Variants in STX17 observed in about 807,000 individuals in gnomAD.
The protein encoded by STX17 is syntaxin 17.
A neutral mutation model predicts 35.9 loss-of-function variants in STX17; 29 were observed. The observed-to-expected ratio is 0.81, with a 90% CI of 0.60 to 1.10. STX17 has a LOEUF of 1.10. STX17 is among the 50% of genes least tolerant of loss of function. The probability of loss-of-function intolerance (pLI) is 0.00; values close to 1 mark genes in which losing one functional copy is unlikely to be tolerated. For missense variants in STX17, 312 were observed against 352.3 expected (o/e 0.89, Z 0.92); for synonymous variants, 92 against 118.3 (o/e 0.78, Z 1.44).
chr9:99,958,989 A>G (rs557153390), intron 4 of STX17, among the ~76,000 whole-genome samples: 1 of 152,354 alleles, frequency 6.6e-6, no homozygotes, highest in Admixed American at 6.5e-5. Context: ...TATTATTACC[A>G]ATAGTGACTG....
Position 99,915,229 on chromosome 9 carries a change from A to T in STX17, c.-11A>T, listed in dbSNP as rs747614900. On this transcript the variant is annotated 5_prime_UTR_variant, in exon 2 of 8. Coordinates refer to ENST00000259400, the MANE Select transcript of STX17 (RefSeq NM_017919.3). ...GCTGTTACCAGGGAGGTCATACAAC[A>T]TTTTTTTAGGATGTCTGAAGATGAA... 7.5e-6 allele frequency: 12 copies of T among 1,607,666 alleles called. No individual in the cohort carries two copies. The highest frequency in any genetic ancestry group is 3.4e-5 in the Admixed American group (2 of 58,896).
chr9:99,919,183 G>A (rs530849074), intron 2 of STX17, among the ~76,000 whole-genome samples: 4 of 152,264 alleles, frequency 2.6e-5, no homozygotes, highest in African/African-American at 7.2e-5. Flanking sequence ...TGGACTACCC[G>A]TTCATTACAT....
chr9:99,910,237 C>CAAAA (rs1327135277), intron 1 of STX17, among the ~76,000 whole-genome samples: 1 of 104,690 alleles, frequency 9.6e-6, no homozygotes, highest in African/African-American at 3.6e-5. Context: ...CGTCTCAAAA[C>CAAAA]AAAAAAAAAG....
intron 3 of STX17, among the ~76,000 whole-genome samples, chr9:99,930,352 C>T (rs1176072902): frequency 6.6e-6 from 1 of 151,816 alleles, no homozygotes; most frequent in Non-Finnish European, 1.5e-5. Flanking sequence ...ACTGCAAGCT[C>T]CTCCTCCTGG....
At chr9:99,915,999 A>G (rs1269479437) in intron 2 of STX17, 4 of 455,096 alleles carry the variant, frequency 8.8e-6, no homozygotes, top group African/African-American at 8.0e-5. Flanking sequence ...CCCCATGGCA[A>G]GTTTTTGAAC....
chr9:99,912,038 C>A (rs1828676567), intron 1 of STX17, among the ~76,000 whole-genome samples: 1 of 152,128 alleles, frequency 6.6e-6, no homozygotes, highest in Non-Finnish European at 1.5e-5. Flanking sequence ...ACCAGCTTGG[C>A]CAACATGGCA....
chr9:99,955,024 T>A (rs1829679770), intron 4 of STX17, among the ~76,000 whole-genome samples: 1 of 152,028 alleles, frequency 6.6e-6, no homozygotes, highest in Non-Finnish European at 1.5e-5. Context: ...CTGGTTTCAT[T>A]TTTAGCATAT....
intron 4 of STX17, among the ~76,000 whole-genome samples, chr9:99,958,831 T>A (rs748566966): frequency 2.3e-4 from 35 of 152,236 alleles, no homozygotes; most frequent in Admixed American, 5.2e-4. Flanking sequence ...TAATTCATCA[T>A]CATAGCAGTG....
chr9:99,938,976 TA>T (rs1829297301), intron 3 of STX17, among the ~76,000 whole-genome samples: 1 of 152,144 alleles, frequency 6.6e-6, no homozygotes, highest in Non-Finnish European at 1.5e-5. Context: ...TTTGGAAAGA[TA>T]CGGCTTTGGA....
intron 3 of STX17, among the ~76,000 whole-genome samples, chr9:99,933,245 CAT>C (rs1237329802): frequency 1.3e-5 from 2 of 152,106 alleles, no homozygotes; most frequent in Non-Finnish European, 2.9e-5. Flanking sequence ...CATGTAACTC[CAT>C]ATGTCTCTGA....
At chr9:99,945,630 T>G (rs1829465838) in intron 3 of STX17, 2 of 259,602 alleles carry the variant, frequency 7.7e-6, no homozygotes, top group Non-Finnish European at 1.6e-5. Context: ...TTGTGTGCTA[T>G]TTCTTAAACA....
intron 2 of STX17, among the ~76,000 whole-genome samples, chr9:99,920,312 CTCT>C (rs911334301): frequency 8.2e-4 from 125 of 152,184 alleles, no homozygotes; most frequent in African/African-American, 2.9e-3. Flanking sequence ...GGAAACAGTC[CTCT>C]TCTTCTTCTT....
At chr9:99,916,676 G>A (rs1828781914) in intron 2 of STX17, among the ~76,000 whole-genome samples, 1 of 152,100 alleles carries the variant, frequency 6.6e-6, no homozygotes, top group African/African-American at 2.4e-5. Flanking sequence ...AATATTTGAA[G>A]TCTTTCTAGA....
intron 3 of STX17, among the ~76,000 whole-genome samples, chr9:99,935,342 A>AAG (rs1829210875): frequency 6.6e-6 from 1 of 151,962 alleles, no homozygotes; most frequent in African/African-American, 2.4e-5. Context: ...AAAAAAAAAA[A>AAG]AAAAAAGAAA....
At position 99,939,674 on chromosome 9, in the gene STX17, C is replaced by G. The variant is rs184318500; in HGVS notation, c.189+10831C>G. ...ATCTGTTCTTCCTATTTAGTGTGTT[C>G]TATTTTCCCATTATTATTTTTCAGA... On this transcript the variant is annotated intron_variant, in intron 3 of 7. Coordinates refer to ENST00000259400, the MANE Select transcript of STX17 (RefSeq NM_017919.3). Among the ~76,000 whole-genome samples, 18 of 152,246 alleles carry G rather than the reference C, an allele frequency of 1.2e-4. No individual in the cohort carries two copies. In the East Asian group the frequency reaches 2.5e-3, roughly 21 times the overall value.
intron 3 of STX17, chr9:99,929,910 C>CTTTTTTTTTTTTTT (rs528774463): frequency 5.1e-5 from 6 of 118,354 alleles, no homozygotes; most frequent in Admixed American, 1.9e-4. Flanking sequence ...TTTTTCTTTT[C>CTTTTTTTTTTTTTT]TTTTTTTTTT....
At chr9:99,959,847 A>G in intron 4 of STX17, 70 bp from the exon 5 acceptor site, 1 of 1,166,952 alleles carries the variant, frequency 8.6e-7, no homozygotes, top group Non-Finnish European at 1.3e-6. Context: ...GTTTTATGAA[A>G]TCAATTTATG....
chr9:99,954,693 C>A (rs1342317375), intron 4 of STX17, among the ~76,000 whole-genome samples: 1 of 151,976 alleles, frequency 6.6e-6, no homozygotes, highest in Non-Finnish European at 1.5e-5. Flanking sequence ...AGTTAAGTGC[C>A]TTAAAATACT....
Position 99,967,711 on chromosome 9 carries a change from T to A in STX17, c.641T>A (p.Val214Asp). The change falls in exon 7 of 8, where the codon GTT (valine) becomes GAT (aspartate). Residue 214 changes from valine to aspartate, a missense_variant. By Grantham distance (152) the Val-to-Asp change is radical. Transcript: ENST00000259400. ...CATGTCAACAGTGCTGCTGTGAATG[T>A]TGAAGAGGGAACCAAAAACTTAGGG... ...ADHVNSAAVN[V>D]EEGTKNLGKA... 1 of 1,613,948 alleles carries A rather than the reference T, an allele frequency of 6.2e-7. No individual in the cohort carries two copies. Among genetic ancestry groups the A allele is most frequent in the Non-Finnish European group, 8.5e-7 (1 of 1,179,906 alleles).
Sources: allele counts gnomAD v4.1 joint callset (sites outside exome capture counted in the v4.1 genomes callset), GRCh38; gene constraint gnomAD v4.1.1; transcripts MANE v1.5; gene names NCBI Gene and HGNC (gene_info 2026-07-23, HGNC 2026-07-21).